HMCN1: variants seen among roughly 807,000 people sequenced by gnomAD.
The protein encoded by HMCN1 is hemicentin-1.
HMCN1 carries 321 observed loss-of-function variants against 625.9 expected under a neutral mutation model. The observed-to-expected ratio is 0.51, with a 90% CI of 0.47 to 0.56. The LOEUF is 0.56. Ranked by LOEUF, HMCN1 falls within the 20% of genes least tolerant of loss-of-function variation. HMCN1 has a pLI of 0.00. For synonymous variants in HMCN1, 2,425 were observed against 2,417.6 expected (o/e 1.00, Z -0.09); for missense variants, 6,588 against 6,887.3 (o/e 0.96, Z 1.54).
At chr1:186,161,987 TCTC>T (rs1651520747) in intron 97 of HMCN1, among the ~76,000 whole-genome samples, 1 of 152,188 alleles carries the variant, frequency 6.6e-6, no homozygotes, top group South Asian at 2.1e-4. Flanking sequence ...TTGGGGAAGT[TCTC>T]CTGGATAATA....
At chr1:185,903,091 C>G (rs926389606) in intron 4 of HMCN1, among the ~76,000 whole-genome samples, 1 of 151,756 alleles carries the variant, frequency 6.6e-6, no homozygotes, top group African/African-American at 2.4e-5. Flanking sequence ...TAAATTTTCT[C>G]TCTCATTTGT....
At chr1:185,900,821 C>T (rs950358727) in intron 4 of HMCN1, among the ~76,000 whole-genome samples, 9 of 151,820 alleles carry the variant, frequency 5.9e-5, no homozygotes, top group African/African-American at 1.9e-4. Flanking sequence ...TAGAGATATA[C>T]AAAAGGTTCC....
chr1:185,825,084 T>C (rs571999478), intron 1 of HMCN1, among the ~76,000 whole-genome samples: 1 of 152,138 alleles, frequency 6.6e-6, no homozygotes, highest in Non-Finnish European at 1.5e-5. Flanking sequence ...TTGTTCAGAA[T>C]GTTGTTAAGA....
chr1:186,015,832 A>G, intron 31 of HMCN1, 126 bp from the exon 32 acceptor site: 2 of 810,826 alleles, frequency 2.5e-6, no homozygotes, highest in Non-Finnish European at 4.1e-6. Flanking sequence ...AGAGGGAGAC[A>G]GGCATATAGG....
At chr1:186,172,560 A>C (rs1351778075) in intron 102 of HMCN1, among the ~76,000 whole-genome samples, 1 of 152,198 alleles carries the variant, frequency 6.6e-6, no homozygotes, top group Non-Finnish European at 1.5e-5. Flanking sequence ...AGACAAATAA[A>C]ATAAATAATT....
intron 1 of HMCN1, 146 bp from the exon 2 acceptor site, chr1:185,845,880 A>G (rs1045253876): frequency 1.5e-6 from 1 of 650,792 alleles, no homozygotes; most frequent in South Asian, 1.7e-5. Flanking sequence ...TGGTAGCTAC[A>G]AATTGAGAAA....
intron 1 of HMCN1, among the ~76,000 whole-genome samples, chr1:185,766,378 A>C (rs1471801317): frequency 6.6e-6 from 1 of 152,102 alleles, no homozygotes; most frequent in Non-Finnish European, 1.5e-5. Flanking sequence ...ACTTGAGCCC[A>C]AGGCCTACCC....
chr1:185,853,112 T>G (rs1288860290), intron 2 of HMCN1, among the ~76,000 whole-genome samples: 2 of 152,142 alleles, frequency 1.3e-5, no homozygotes, highest in African/African-American at 4.8e-5. Flanking sequence ...ACATATTTAT[T>G]TATATAATTT....
intron 20 of HMCN1, among the ~76,000 whole-genome samples, chr1:185,989,137 A>T (rs964427955): frequency 6.6e-6 from 1 of 150,386 alleles, no homozygotes; most frequent in Non-Finnish European, 1.5e-5. Flanking sequence ...CCTCCCGAGT[A>T]GCTGGGACTA....
chr1:185,834,388 C>T (rs1219813694), intron 1 of HMCN1, among the ~76,000 whole-genome samples: 1 of 152,148 alleles, frequency 6.6e-6, no homozygotes, highest in Non-Finnish European at 1.5e-5. Flanking sequence ...AAAGGATCCA[C>T]TTCCAAGCTA....
At chr1:186,126,625 C>T (rs1200181390) in intron 82 of HMCN1, among the ~76,000 whole-genome samples, 3 of 151,556 alleles carry the variant, frequency 2.0e-5, no homozygotes, top group African/African-American at 7.3e-5. Context: ...AGGAGCAGAC[C>T]GGGGGAAAAA....
intron 2 of HMCN1, among the ~76,000 whole-genome samples, chr1:185,849,491 G>T (rs368516351): frequency 6.6e-6 from 1 of 152,126 alleles, no homozygotes; most frequent in Admixed American, 6.6e-5. Context: ...TATAGAACAT[G>T]TTCACTTTTT....
In HMCN1 at chr1:185,984,061, T is replaced by G. The variant is rs189493315; in HGVS notation, c.2791-108T>G. ...CTTAAGGACATTAGAATATTTTGTT[T>G]ATAGACTTTTAGTAACCCAGTTGGG... On this transcript the variant is annotated intron_variant, in intron 18 of 106. Coordinates refer to ENST00000271588, the MANE Select transcript of HMCN1 (RefSeq NM_031935.3). The G allele has an allele frequency of 1.1e-3, 842 of 783,640 alleles. 1 individual carries two copies. Among genetic ancestry groups the G allele is most frequent in the Non-Finnish European group, 1.5e-3 (730 of 475,906 alleles). 48.5% of individuals were successfully genotyped at this position (783,640 alleles called of 1,614,324 possible). A position where few individuals can be genotyped will look rare whatever the true frequency, so the allele number is the denominator to read the frequency against.
At chr1:186,177,212 AG>A (rs1652647755) in intron 103 of HMCN1, 1 of 152,212 alleles carries the variant, frequency 6.6e-6, no homozygotes, top group South Asian at 2.1e-4. Flanking sequence ...AGGCTGAGAC[AG>A]GAGAATCCCT....
chr1:185,892,908 G>C lies in HMCN1; in HGVS notation c.622-16429G>C, dbSNP rs1015699386. ...GTCAATGGCGGGCGCCCCTCCCCCA[G>C]CCTCGCTGCCGCCTTGCAGTTTGAT... On this transcript the variant is annotated intron_variant, in intron 4 of 106. Transcript: ENST00000271588. Among the ~76,000 whole-genome samples, 5 of 152,266 alleles carry C rather than the reference G, an allele frequency of 3.3e-5. No homozygotes were observed. In the South Asian group the frequency reaches 8.3e-4, roughly 25 times the overall value.
At chr1:185,805,980 GA>G (rs1408479135) in intron 1 of HMCN1, among the ~76,000 whole-genome samples, 6 of 151,826 alleles carry the variant, frequency 4.0e-5, no homozygotes, top group Non-Finnish European at 5.9e-5. Flanking sequence ...TATTCCTAGG[GA>G]AAATATTCCC....
chr1:185,962,619 G>T lies in HMCN1; in HGVS notation c.1930G>T (p.Ala644Ser). Residue 644 changes from alanine (A) to serine (S), a missense_variant, in exon 12 of 107, where the codon GCC becomes TCC. Ala to Ser is a moderately conservative substitution (Grantham distance 99). Transcript: ENST00000271588. ...AACAGGTTATCCCAAACCAAAGATT[G>T]CCTGGACCGTTAACGATATGTTTAT... ...SATGYPKPKI[A>S]WTVNDMFIVG... 1.3e-6 allele frequency: 2 copies of T among 1,589,988 alleles called. No homozygotes were observed. Among genetic ancestry groups the T allele is most frequent in the Admixed American group, 1.7e-5 (1 of 59,968 alleles).
intron 54 of HMCN1, among the ~76,000 whole-genome samples, chr1:186,077,288 T>C (rs1288458675): frequency 2.0e-5 from 3 of 152,176 alleles, no homozygotes; most frequent in Non-Finnish European, 4.4e-5. Flanking sequence ...TATGTGATCC[T>C]AAATTAGATC....
chr1:185,933,480 T>G, intron 10 of HMCN1, 69 bp from the exon 11 acceptor site: 1 of 1,521,794 alleles, frequency 6.6e-7, no homozygotes, highest in Non-Finnish European at 9.1e-7. Context: ...ATTCAGTTTT[T>G]AAACCACATC....
Sources: gnomAD v4.1 joint callset for allele counts (sites outside exome capture counted in the v4.1 genomes callset) on GRCh38, gnomAD v4.1.1 for gene constraint, MANE v1.5 for transcripts, NCBI Gene and HGNC (gene_info 2026-07-23, HGNC 2026-07-21) for gene names.